ZNF732: variants seen among roughly 807,000 people sequenced by gnomAD.
ZNF732 encodes the protein zinc finger protein LOC654254.
In ZNF732, 12 loss-of-function variants were observed where a neutral mutation model predicts 11.5. The observed-to-expected ratio is 1.05, with a 90% CI of 0.67 to 1.70. The LOEUF (loss-of-function observed/expected upper bound fraction) is 1.70. Ranked by LOEUF, ZNF732 falls within the 40% of genes most tolerant of loss-of-function variation. The pLI, the probability that ZNF732 is intolerant of heterozygous loss-of-function variation, is 0.00. For missense variants in ZNF732, 702 were observed against 676.9 expected, an observed-to-expected ratio of 1.04 and a Z score of -0.41; for synonymous variants, 231 against 236.5, an observed-to-expected ratio of 0.98 and a Z score of 0.21.
At position 272,637 on chromosome 4, in the gene ZNF732, G is replaced by A; in HGVS notation, c.227-7C>T. 6.7e-7 allele frequency: 1 copy of A among 1,487,164 alleles called. No homozygotes were observed. Among genetic ancestry groups the A allele is most frequent in the Non-Finnish European group, 8.9e-7 (1 of 1,119,898 alleles). The allele number at this position is 1,487,164 out of a possible 1,614,324, so 92.1% of individuals were successfully genotyped here. A position where few individuals can be genotyped will look rare whatever the true frequency, so the allele number is the denominator to read the frequency against. On this transcript the variant is annotated splice_region_variant and splice_polypyrimidine_tract_variant and intron_variant, in intron 3 of 3. Coordinates refer to ENST00000419098, the MANE Select transcript of ZNF732 (RefSeq NM_001137608.3). The stretch of plus-strand genomic sequence containing the variant: ...GTGAAATGAGAACACACAGCTGAAA[G>A]AAATAAAAATAAATTATCCTGCTTA...
At chr4:279,263 C>T (rs545638478) in intron 3 of ZNF732, among the ~76,000 whole-genome samples, 2 of 151,982 alleles carry the variant, frequency 1.3e-5, no homozygotes, top group East Asian at 3.9e-4. Context: ...ACGGTGAAAC[C>T]TTGTCTCTAC....
intron 3 of ZNF732, among the ~76,000 whole-genome samples, chr4:278,620 A>G (rs1324852699): frequency 6.6e-6 from 1 of 152,254 alleles, no homozygotes; most frequent in Non-Finnish European, 1.5e-5. Flanking sequence ...AACAATAGAC[A>G]ATCGCAAACA....
chr4:298,370 G>A (rs998088356), intron 1 of ZNF732, among the ~76,000 whole-genome samples: 1 of 151,894 alleles, frequency 6.6e-6, no homozygotes, highest in Non-Finnish European at 1.5e-5. Flanking sequence ...TGAAATAGAA[G>A]TAATTAGCTT....
chr4:298,428 A>C (rs1251621130), intron 1 of ZNF732, among the ~76,000 whole-genome samples: 3 of 152,028 alleles, frequency 2.0e-5, no homozygotes, highest in Non-Finnish European at 2.9e-5. Context: ...AAAAAAAAAA[A>C]CTAGAAACCT....
intron 3 of ZNF732, among the ~76,000 whole-genome samples, chr4:282,540 A>T (rs1422186411): frequency 1.4e-4 from 22 of 152,158 alleles, no homozygotes; most frequent in Admixed American, 9.8e-4. Context: ...TCTACAAAAA[A>T]TACCAAAAAA....
chr4:271,698 C>A lies in ZNF732; in HGVS notation c.1159G>T (p.Glu387Ter), dbSNP rs782254823. ...CATTCTTCACATGTGTAGGGTTTCT[C>A]TCCAGTATGAATACTCTTATGTTTA... Reference protein sequence around the residue: ...LNKHKSIHTGEKPYTCEECGK... With the variant: ...LNKHKSIHTG Residue 387 changes from glutamate to a stop codon, truncating the protein, a stop_gained, in exon 4 of 4, where the codon GAG becomes TAG. Coordinates refer to ENST00000419098, the MANE Select transcript of ZNF732 (RefSeq NM_001137608.3). LOFTEE classifies it low-confidence loss of function (END_TRUNC). 1.2e-6 allele frequency: 2 copies of A among 1,612,680 alleles called. No individual in the cohort carries two copies. Among genetic ancestry groups the A allele is most frequent in the East Asian group, 4.5e-5 (2 of 44,850 alleles).
In ZNF732 at chr4:293,941, A is replaced by C. The variant is rs184616729; in HGVS notation, c.226+1497T>G. Among the ~76,000 whole-genome samples the C allele has an allele frequency of 3.2e-3, 486 of 152,314 alleles. 1 individual carries two copies. Among genetic ancestry groups the C allele is most frequent in the Middle Eastern group, 0.014 (4 of 294 alleles). ...GAAAACTGCAACTATAAATGAAGCA[A>C]TGTTACTATATACCAAACATAACTC... On this transcript the variant is annotated intron_variant, in intron 3 of 3. Transcript: ENST00000419098.
At chr4:295,582 A>C in intron 2 of ZNF732, 49 bp from the exon 3 acceptor site, 2 of 1,426,854 alleles carry the variant, frequency 1.4e-6, no homozygotes, top group African/African-American at 2.8e-5. Context: ...TTCTCCAATT[A>C]CCTACCTAAT....
intron 3 of ZNF732, among the ~76,000 whole-genome samples, chr4:276,557 C>G (rs1719501106): frequency 6.6e-6 from 1 of 151,792 alleles, no homozygotes; most frequent in Admixed American, 6.6e-5. Flanking sequence ...TTGCCAAATG[C>G]TGCTTCTGCA....
At position 281,311 on chromosome 4, in the gene ZNF732, G is replaced by A. The variant is rs542195263; in HGVS notation, c.227-8681C>T. ...CTCAGCTGTGTATCCTGAAGCAGCC[G>A]CATGAATCAGTTTCATACCCTCTCA... is the stretch of plus-strand genomic sequence containing the variant. On this transcript the variant is annotated intron_variant, in intron 3 of 3. Coordinates refer to ENST00000419098, the MANE Select transcript of ZNF732 (RefSeq NM_001137608.3). Among the ~76,000 whole-genome samples the A allele has an allele frequency of 7.2e-5, 11 of 152,266 alleles. No individual in the cohort carries two copies. In the South Asian group the frequency reaches 1.0e-3, roughly 14 times the overall value.
At chr4:304,563 G>GC (rs1228606292) in intron 1 of ZNF732, among the ~76,000 whole-genome samples, 1 of 135,316 alleles carries the variant, frequency 7.4e-6, no homozygotes, top group Non-Finnish European at 1.6e-5. Context: ...TCTTCCCGCA[G>GC]CTGCCCCCCC....
chr4:305,364 C>A lies in ZNF732; in HGVS notation c.-54G>T. 1 of 1,605,682 alleles carries A rather than the reference C, an allele frequency of 6.2e-7. No homozygotes were observed. Among genetic ancestry groups the A allele is most frequent in the Non-Finnish European group, 8.5e-7 (1 of 1,179,338 alleles). ...TCAGCTACGAATCATCCAATACCCG[C>A]AGGTCACAGAGCGACGGAGGCTGAG... On this transcript the variant is annotated 5_prime_UTR_variant, in exon 1 of 4. Transcript: ENST00000419098.
At chr4:295,306 A>AG (rs1167493965) in intron 3 of ZNF732, 132 bp downstream of exon 3, 1 of 660,462 alleles carries the variant, frequency 1.5e-6, no homozygotes, top group Non-Finnish European at 2.6e-6. Flanking sequence ...CATGAATATG[A>AG]GAAAAAAATG....
chr4:305,228 G>A (rs2108663852), intron 1 of ZNF732, 80 bp downstream of exon 1: 1 of 1,545,042 alleles, frequency 6.5e-7, no homozygotes, highest in Non-Finnish European at 8.7e-7. Flanking sequence ...TCCGTTCGCA[G>A]ACTCCGTCCC....
At chr4:297,246 G>A (rs376297429) in intron 1 of ZNF732, among the ~76,000 whole-genome samples, 14 of 150,458 alleles carry the variant, frequency 9.3e-5, no homozygotes, top group African/African-American at 2.9e-4. Flanking sequence ...CCGCCTGGGC[G>A]ACAGCGAGAC....
chr4:305,176 G>A, intron 1 of ZNF732, 132 bp downstream of exon 1: 1 of 1,262,930 alleles, frequency 7.9e-7, no homozygotes, highest in Non-Finnish European at 1.1e-6. Flanking sequence ...TCCCTCACCG[G>A]AAGGGACCAA....
intron 3 of ZNF732, among the ~76,000 whole-genome samples, chr4:273,153 TA>T: frequency 6.6e-6 from 1 of 152,208 alleles, no homozygotes; most frequent in East Asian, 1.9e-4. Context: ...ACTGAAGTGC[TA>T]AATACAGACA....
rs1719330857 is a variant in ZNF732 at position 270,710 on chromosome 4, CAT to C, written c.*387_*388del. ...GTGTTCTCTCCATTATGAATTTTCT[CAT>C]GTTTATTTATGGGTGAGGACCGTTT... On this transcript the variant is annotated 3_prime_UTR_variant, in exon 4 of 4. Coordinates refer to ENST00000419098, the MANE Select transcript of ZNF732 (RefSeq NM_001137608.3). 2.5e-6 allele frequency: 1 copy of C among 396,424 alleles called. No individual in the cohort carries two copies. The highest frequency in any genetic ancestry group is 2.4e-5 in the South Asian group (1 of 42,146). 24.6% of individuals were successfully genotyped at this position (396,424 alleles called of 1,614,324 possible).
intron 3 of ZNF732, among the ~76,000 whole-genome samples, chr4:277,375 T>C (rs950110844): frequency 1.3e-5 from 2 of 151,948 alleles, no homozygotes; most frequent in Non-Finnish European, 2.9e-5. Flanking sequence ...AATAAAATAT[T>C]TGCAAAATGT....
Sources: allele counts gnomAD v4.1 joint callset (sites outside exome capture counted in the v4.1 genomes callset), GRCh38; gene constraint gnomAD v4.1.1; transcripts MANE v1.5; gene names NCBI Gene and HGNC (gene_info 2026-07-23, HGNC 2026-07-21).